Variants in TBCK observed in about 807,000 individuals in gnomAD.
TBCK encodes TBC1 domain containing kinase.
In TBCK, 99 loss-of-function variants were observed where a neutral mutation model predicts 113.4. The ratio of observed to expected loss-of-function variants is 0.87; its 90% CI spans 0.74 to 1.03. The LOEUF (loss-of-function observed/expected upper bound fraction) is 1.03. Ranked by LOEUF, TBCK falls within the 50% of genes least tolerant of loss-of-function variation. TBCK has a pLI of 0.00. For synonymous variants in TBCK, 369 were observed against 370.8 expected (o/e 1.00, Z 0.05); for missense variants, 1,045 against 1,061.3 (o/e 0.98, Z 0.21).
At position 106,187,782 on chromosome 4, in the gene TBCK, T is replaced by C. The variant is rs537443402; in HGVS notation, c.2059+5827A>G. Among the ~76,000 whole-genome samples, 44 of 152,316 alleles carry C rather than the reference T, an allele frequency of 2.9e-4. No homozygotes were observed. In the South Asian group the frequency reaches 3.9e-3, roughly 14 times the overall value. ...AGATCTTTCACCTCCTTTGGGTAGATGTACTCTTAAGTAATGTATTTTTTT... is the reference window on the plus strand; with the variant it reads ...AGATCTTTCACCTCCTTTGGGTAGACGTACTCTTAAGTAATGTATTTTTTT... On this transcript the variant is annotated intron_variant, in intron 22 of 25. Coordinates refer to ENST00000394708, the MANE Select transcript of TBCK (RefSeq NM_001163435.3).
At chr4:106,163,951 T>C in intron 23 of TBCK, among the ~76,000 whole-genome samples, 1 of 152,104 alleles carries the variant, frequency 6.6e-6, no homozygotes, top group East Asian at 1.9e-4. Context: ...TATCCCCAAA[T>C]CCAACTATCC....
intron 24 of TBCK, among the ~76,000 whole-genome samples, chr4:106,110,514 C>A (rs1742715607): frequency 6.6e-6 from 1 of 152,128 alleles, no homozygotes; most frequent in Non-Finnish European, 1.5e-5. Flanking sequence ...GAAACAGCTG[C>A]TTAAAGGTAG....
At chr4:106,274,681 C>T (rs537328785) in intron 3 of TBCK, among the ~76,000 whole-genome samples, 17 of 152,086 alleles carry the variant, frequency 1.1e-4, no homozygotes, top group Non-Finnish European at 8.8e-5. Context: ...AGAGAGAAGG[C>T]GAGGGACTGC....
chr4:106,160,739 T>C (rs1266100311), intron 23 of TBCK, among the ~76,000 whole-genome samples: 1 of 152,016 alleles, frequency 6.6e-6, no homozygotes, highest in African/African-American at 2.4e-5. Context: ...ATAGATAACA[T>C]ATGATCCTGA....
intron 25 of TBCK, among the ~76,000 whole-genome samples, chr4:106,062,918 G>A (rs1298303821): frequency 6.6e-6 from 1 of 151,832 alleles, no homozygotes; most frequent in Non-Finnish European, 1.5e-5. Flanking sequence ...ACCAATGTCT[G>A]GATTAGGTGT....
At position 106,171,142 on chromosome 4, in the gene TBCK, C is replaced by T. The variant is rs1238632958; in HGVS notation, c.2188G>A (p.Ala730Thr). The T allele has an allele frequency of 1.9e-6, 3 of 1,612,630 alleles. No homozygotes were observed. In the East Asian group the frequency reaches 6.7e-5, roughly 36 times the overall value. The change falls in exon 23 of 26, where the codon GCA (alanine) becomes ACA (threonine). Residue 730 changes from alanine (A) to threonine (T), a missense_variant. By Grantham distance (58) the Ala-to-Thr change is moderately conservative. Coordinates refer to ENST00000394708, the MANE Select transcript of TBCK (RefSeq NM_001163435.3). ...SSDSSGGRSS[A>T]PYFSAECPDP... ...GGACACTCAGCAGAGAAATAAGGTG[C>T]CGAACTTCTGCCTCCACTGCTGTCA...
At position 106,193,762 on chromosome 4, in the gene TBCK, G is replaced by A. The variant is rs1178891678; in HGVS notation, c.1906C>T (p.Pro636Ser). ...WFLTMFTHVF[P>S]LHKIFHLWDT... Reference sequence around the variant, plus strand: ...CAGAGGTGGAAAATTTTGTGTAGTGGAAATACATCTGTAAAACGATAAAAA... The same window carrying A: ...CAGAGGTGGAAAATTTTGTGTAGTGAAAATACATCTGTAAAACGATAAAAA... The change falls in exon 22 of 26, where the codon CCA (proline) becomes TCA (serine). Residue 636 changes from proline to serine, a missense_variant. Transcript: ENST00000394708. 1.3e-6 allele frequency: 2 copies of A among 1,553,758 alleles called. No individual in the cohort carries two copies. Among genetic ancestry groups the A allele is most frequent in the East Asian group, 4.6e-5 (2 of 43,456 alleles).
chr4:106,117,009 T>C (rs1463985567), intron 23 of TBCK, among the ~76,000 whole-genome samples: 1 of 151,992 alleles, frequency 6.6e-6, no homozygotes, highest in Non-Finnish European at 1.5e-5. Flanking sequence ...ATGGAAACAC[T>C]GTCTTCTAGG....
At chr4:106,300,893 G>A (rs1355357915) in intron 2 of TBCK, among the ~76,000 whole-genome samples, 2 of 152,238 alleles carry the variant, frequency 1.3e-5, no homozygotes, top group South Asian at 2.1e-4. Flanking sequence ...TTTAAGCCAG[G>A]AGTTCAAGAC....
chr4:106,101,327 C>A (rs1286462710), intron 24 of TBCK, among the ~76,000 whole-genome samples: 1 of 152,094 alleles, frequency 6.6e-6, no homozygotes, highest in African/African-American at 2.4e-5. Flanking sequence ...TCATATACTC[C>A]CACATTATAC....
At chr4:106,059,549 T>C (rs1735802899) in intron 25 of TBCK, among the ~76,000 whole-genome samples, 2 of 151,692 alleles carry the variant, frequency 1.3e-5, no homozygotes, top group African/African-American at 2.4e-5. Context: ...ATGGCAAACT[T>C]AGTGAATAAA....
chr4:106,197,411 G>GTGTGTATATATATA (rs35695611), intron 20 of TBCK, among the ~76,000 whole-genome samples: 88 of 122,456 alleles, frequency 7.2e-4, no homozygotes, highest in East Asian at 3.7e-3. Context: ...GTGTGTGTGT[G>GTGTGTATATATATA]TATATATATA....
At chr4:106,110,060 C>G (rs763945304) in intron 24 of TBCK, among the ~76,000 whole-genome samples, 1 of 152,212 alleles carries the variant, frequency 6.6e-6, no homozygotes, top group African/African-American at 2.4e-5. Context: ...TAATCATCCA[C>G]GTGCAGGACT....
intron 25 of TBCK, among the ~76,000 whole-genome samples, chr4:106,051,651 C>T (rs1014233614): frequency 6.6e-6 from 1 of 151,736 alleles, no homozygotes; most frequent in Non-Finnish European, 1.5e-5. Flanking sequence ...ACTGTGTGAC[C>T]ATGGCTAGGC....
intron 3 of TBCK, among the ~76,000 whole-genome samples, chr4:106,263,241 TA>T (rs1047221166): frequency 1.3e-5 from 2 of 151,826 alleles, no homozygotes; most frequent in African/African-American, 4.8e-5. Flanking sequence ...ACATAATTTT[TA>T]AAACCAATAG....
At chr4:106,224,529 G>A (rs1758028486) in intron 19 of TBCK, among the ~76,000 whole-genome samples, 1 of 152,058 alleles carries the variant, frequency 6.6e-6, no homozygotes, top group South Asian at 2.1e-4. Flanking sequence ...ACTTTGAAGT[G>A]TAAAGCTTAA....
chr4:106,083,545 GGGTTT>G (rs1372382117), intron 25 of TBCK, among the ~76,000 whole-genome samples: 3 of 152,148 alleles, frequency 2.0e-5, no homozygotes, highest in Non-Finnish European at 4.4e-5. Flanking sequence ...TCAGACGAGT[GGGTTT>G]CCCCCCAGTG....
chr4:106,295,252 T>C (rs972223134), intron 2 of TBCK, 86 bp from the exon 3 acceptor site: 1 of 1,077,056 alleles, frequency 9.3e-7, no homozygotes, highest in Non-Finnish European at 1.4e-6. Flanking sequence ...ATGATATTAA[T>C]ATATAACACC....
intron 23 of TBCK, among the ~76,000 whole-genome samples, chr4:106,161,703 TG>T (rs1749809133): frequency 1.4e-5 from 1 of 72,954 alleles, no homozygotes; most frequent in African/African-American, 6.5e-5. Context: ...GGTGTGTCTG[TG>T]TGTGTGTGTG....
Sources: gnomAD v4.1 joint callset for allele counts (sites outside exome capture counted in the v4.1 genomes callset) on GRCh38, gnomAD v4.1.1 for gene constraint, MANE v1.5 for transcripts, NCBI Gene and HGNC (gene_info 2026-07-23, HGNC 2026-07-21) for gene names.